Variants in CCND3 observed in about 807,000 individuals in gnomAD.
The protein encoded by CCND3 is G1/S-specific cyclin-D3.
CCND3 carries 9 observed loss-of-function variants against 28.7 expected under a neutral mutation model. That is an observed-to-expected ratio of 0.31 (90% CI 0.19 to 0.55). CCND3 has a LOEUF of 0.55. Ranked by LOEUF, CCND3 falls within the 20% of genes least tolerant of loss-of-function variation. CCND3 has a pLI of 0.93. For missense variants in CCND3, 315 were observed against 385.8 expected (o/e 0.82, Z 1.54); for synonymous variants, 164 against 163.9 (o/e 1.00, Z 0.00).
chr6:41,952,621 G>C (rs1776341914), intron 1 of CCND3, among the ~76,000 whole-genome samples: 1 of 152,210 alleles, frequency 6.6e-6, no homozygotes, highest in Non-Finnish European at 1.5e-5. Flanking sequence ...CTCAAGCAAA[G>C]TGACAGTGTC....
chr6:42,026,758 G>A (rs983474631), intron 1 of CCND3, among the ~76,000 whole-genome samples: 2 of 152,178 alleles, frequency 1.3e-5, no homozygotes, highest in Admixed American at 6.5e-5. Flanking sequence ...CAACTTTGAG[G>A]TCATGCTCTG....
chr6:42,014,035 G>T (rs1474656007), intron 1 of CCND3, among the ~76,000 whole-genome samples: 1 of 148,638 alleles, frequency 6.7e-6, no homozygotes, highest in Non-Finnish European at 1.5e-5. Context: ...TCGTGCCACT[G>T]CACTCCAGCC....
At chr6:41,944,747 G>A (rs1459422447), upstream of CCND3, among the ~76,000 whole-genome samples, 2 of 152,160 alleles carry the variant, frequency 1.3e-5, no homozygotes, top group East Asian at 3.8e-4. Flanking sequence ...TATTAATTGA[G>A]GGAGGGCCAC....
intron 1 of CCND3, among the ~76,000 whole-genome samples, chr6:41,962,010 G>C (rs1047127707): frequency 1.3e-5 from 2 of 152,118 alleles, no homozygotes; most frequent in Non-Finnish European, 2.9e-5. Flanking sequence ...CAGTGCTCAG[G>C]TGCTCCCATC....
chr6:42,021,084 T>C (rs1367323009), intron 1 of CCND3, among the ~76,000 whole-genome samples: 2 of 152,156 alleles, frequency 1.3e-5, no homozygotes, highest in East Asian at 3.9e-4. Flanking sequence ...TAGTTACCCA[T>C]CGTGCAGTAC....
At chr6:42,026,930 T>G (rs1156557155) in intron 1 of CCND3, among the ~76,000 whole-genome samples, 1 of 152,074 alleles carries the variant, frequency 6.6e-6, no homozygotes, top group Non-Finnish European at 1.5e-5. Context: ...CCCACCCGGA[T>G]CTGTATGGGA....
At chr6:41,989,109 T>A (rs1335203920) in intron 1 of CCND3, among the ~76,000 whole-genome samples, 1 of 152,018 alleles carries the variant, frequency 6.6e-6, no homozygotes, top group Non-Finnish European at 1.5e-5. Flanking sequence ...AGAACACATT[T>A]GATAAAGGAT....
chr6:41,952,078 A>G (rs1049113376), intron 1 of CCND3, among the ~76,000 whole-genome samples: 3 of 152,148 alleles, frequency 2.0e-5, no homozygotes, highest in Admixed American at 2.0e-4. Flanking sequence ...CCACTTGTTA[A>G]GTGCTTTCTC....
rs182445049 is a variant in CCND3, at chr6:41,984,959, C to T, written c.-45-44374G>A. Among the ~76,000 whole-genome samples, 847 of 152,258 alleles carry T rather than the reference C, an allele frequency of 5.6e-3. 6 individuals carry two copies. Among genetic ancestry groups the T allele is most frequent in the Middle Eastern group, 0.017 (5 of 294 alleles). On this transcript the variant is annotated intron_variant, in intron 1 of 4. Coordinates refer to the CCND3 transcript ENST00000372988. ...CTTTTACTCATATTGTTTTTCTCTT[C>T]CTCTCTCAACTGACCTTTGCTCATT...
chr6:41,941,811 G>A (rs879532414), upstream of CCND3: 1 of 319,464 alleles, frequency 3.1e-6, no homozygotes, highest in Non-Finnish European at 5.5e-6. This position sits in a 1 kb window ranked among gnomAD's most constrained non-coding sequence, Gnocchi z 6.1. Flanking sequence ...TCCCTGACAG[G>A]CGCCCCGCCC....
At chr6:41,993,616 G>C (rs902358670) in intron 1 of CCND3, among the ~76,000 whole-genome samples, 1 of 151,416 alleles carries the variant, frequency 6.6e-6, no homozygotes, top group African/African-American at 2.4e-5. Flanking sequence ...TCACGATTTG[G>C]CCAGGCTGGT....
At chr6:41,964,408 GTGTC>G (rs1404257778) in intron 1 of CCND3, among the ~76,000 whole-genome samples, 4 of 150,966 alleles carry the variant, frequency 2.6e-5, no homozygotes, top group African/African-American at 9.7e-5. Flanking sequence ...GTGAATGTGT[GTGTC>G]TGTGTGTGAA....
intron 1 of CCND3, among the ~76,000 whole-genome samples, chr6:42,032,624 T>C (rs1429978724): frequency 1.3e-5 from 2 of 152,246 alleles, no homozygotes; most frequent in African/African-American, 4.8e-5. Context: ...AATGTGCCCA[T>C]GTCCTGTTAC....
chr6:41,997,479 G>A (rs933183107), intron 1 of CCND3, among the ~76,000 whole-genome samples: 13 of 152,094 alleles, frequency 8.5e-5, no homozygotes, highest in African/African-American at 1.9e-4. Context: ...GAGCAAAACC[G>A]GCAAGGGGAC....
At chr6:41,942,634 C>T (rs1375889608), upstream of CCND3, among the ~76,000 whole-genome samples, 1 of 152,082 alleles carries the variant, frequency 6.6e-6, no homozygotes, top group East Asian at 1.9e-4. Flanking sequence ...ACTAGATTCT[C>T]ATTGAATCAG....
At chr6:41,959,721 G>A (rs902660033) in intron 1 of CCND3, among the ~76,000 whole-genome samples, 11 of 151,870 alleles carry the variant, frequency 7.2e-5, no homozygotes, top group African/African-American at 1.5e-4. Context: ...TAGTCCCAGC[G>A]CTTTGGGAGC....
intron 1 of CCND3, among the ~76,000 whole-genome samples, chr6:41,965,949 C>A (rs1184570505): frequency 2.0e-5 from 3 of 152,076 alleles, no homozygotes; most frequent in Admixed American, 2.0e-4. Context: ...AAGATTCTTC[C>A]AGGCTGACCT....
rs139923995 is a variant in CCND3, at chr6:41,998,220, G to A, written c.-46+50281C>T. Reference sequence around the variant, plus strand: ...TGAGAATCACTTGAACCTGGGAGGCGGAGGTTGCAGAAAGCTGAGATCGCA... The same window carrying A: ...TGAGAATCACTTGAACCTGGGAGGCAGAGGTTGCAGAAAGCTGAGATCGCA... On this transcript the variant is annotated intron_variant, in intron 1 of 4. Coordinates refer to the CCND3 transcript ENST00000372988. 1.8e-3 allele frequency among the ~76,000 whole-genome samples: 272 copies of A among 151,068 alleles called. 1 individual carries two copies. Among genetic ancestry groups the A allele is most frequent in the African/African-American group, 6.2e-3 (254 of 41,188 alleles).
chr6:42,040,188 C>T (rs1243309369), intron 1 of CCND3, among the ~76,000 whole-genome samples: 2 of 152,044 alleles, frequency 1.3e-5, no homozygotes, highest in Admixed American at 6.6e-5. Context: ...GAGGCTGAGG[C>T]GGGTGGATCA....
Sources: allele counts gnomAD v4.1 joint callset (sites outside exome capture counted in the v4.1 genomes callset), GRCh38; gene constraint gnomAD v4.1.1; non-coding constraint Gnocchi (gnomAD v3.1); transcripts MANE v1.5; gene names NCBI Gene and HGNC (gene_info 2026-07-23, HGNC 2026-07-21).